The following C5orf22 variants were observed in gnomAD, a reference collection of about 807,000 sequenced individuals.
C5orf22 encodes the protein UPF0489 protein C5orf22.
In C5orf22, 36 loss-of-function variants were observed where a neutral mutation model predicts 48.7. The observed-to-expected ratio is 0.74, with a 90% confidence interval of 0.57 to 0.98. The LOEUF is 0.98. Ranked by LOEUF, C5orf22 falls within the 50% of genes least tolerant of loss-of-function variation. The probability of loss-of-function intolerance (pLI) is 0.00; values close to 1 mark genes in which losing one functional copy is unlikely to be tolerated. For synonymous variants in C5orf22, 141 were observed against 180.8 expected (o/e 0.78, Z 1.76); for missense variants, 486 against 521.9 (o/e 0.93, Z 0.67).
Position 31,536,974 on chromosome 5 carries a change from A to G in C5orf22, c.377+1081A>G, listed in dbSNP as rs192450080. Among the ~76,000 whole-genome samples, 53 of 152,370 alleles carry G rather than the reference A, an allele frequency of 3.5e-4. No homozygotes were observed. The East Asian group carries it at 8.9e-3, about 25-fold the overall frequency. On this transcript the variant is annotated intron_variant, in intron 3 of 8. Coordinates refer to ENST00000325366, the MANE Select transcript of C5orf22 (RefSeq NM_018356.3). Reference sequence around the variant, plus strand: ...TAATTTATTCTTAATGATACAATTAACTTTTGTAGTATATAATCTTGTCGT... The same window carrying G: ...TAATTTATTCTTAATGATACAATTAGCTTTTGTAGTATATAATCTTGTCGT...
chr5:31,548,465 A>G (rs1158307548), intron 7 of C5orf22: 2 of 379,220 alleles, frequency 5.3e-6, no homozygotes, highest in Admixed American at 3.0e-5. Context: ...TTGCTAAAAT[A>G]TAACAAGAGT....
At chr5:31,538,153 T>C (rs773408243) in intron 3 of C5orf22, 107 bp from the exon 4 acceptor site, 3 of 778,092 alleles carry the variant, frequency 3.9e-6, no homozygotes, top group Non-Finnish European at 6.4e-6. Flanking sequence ...TAGAGACTGC[T>C]CTCAGTTTTT....
chr5:31,534,319 C>T lies in C5orf22; in HGVS notation c.129C>T (p.Ala43=). Residue 43 remains alanine (A), a synonymous_variant, in exon 2 of 9, where the codon GCC becomes GCT. Coordinates refer to ENST00000325366, the MANE Select transcript of C5orf22 (RefSeq NM_018356.3). ...CCATAGGCTCAAAGCATCTTCCTGC[C>T]AGTAATGTAAGTTTTTTACATTTCG... ...YRAIGSKHLP[A]SNVSFLHFDS... The T allele has an allele frequency of 6.2e-7, 1 of 1,613,682 alleles. No individual in the cohort carries two copies. Among genetic ancestry groups the T allele is most frequent in the South Asian group, 1.1e-5 (1 of 91,060 alleles).
Position 31,542,903 on chromosome 5 carries a change from C to T in C5orf22, c.992+1501C>T, listed in dbSNP as rs527997312. On this transcript the variant is annotated intron_variant, in intron 6 of 8. Transcript: ENST00000325366. The stretch of plus-strand genomic sequence containing the variant: ...TCAGTTGTAAGGTAGCAAGATAAAA[C>T]GGGAAATTAGAATCAATAGTACTTT... 1.7e-3 allele frequency among the ~76,000 whole-genome samples: 260 copies of T among 152,190 alleles called. 1 individual carries two copies. Among genetic ancestry groups the T allele is most frequent in the Middle Eastern group, 6.8e-3 (2 of 294 alleles).
At chr5:31,540,771 AATT>A in intron 4 of C5orf22, 175 bp from the exon 5 acceptor site, 1 of 558,616 alleles carries the variant, frequency 1.8e-6, no homozygotes, top group East Asian at 3.1e-5. Flanking sequence ...TTTACAATAA[AATT>A]ATTACAATAA....
chr5:31,552,739 GTA>G (rs1743360644), intron 8 of C5orf22, 32 bp from the exon 9 acceptor site: 1 of 1,597,906 alleles, frequency 6.3e-7, no homozygotes, highest in Admixed American at 1.7e-5. Flanking sequence ...TATCCTATGT[GTA>G]TTTTTCTTCT....
rs1488389341 is a variant in C5orf22 at position 31,554,074 on chromosome 5, A to C, written c.*1172A>C. The C allele has an allele frequency of 6.6e-6, 1 of 152,208 alleles. No individual in the cohort carries two copies. Among genetic ancestry groups the C allele is most frequent in the Non-Finnish European group, 1.5e-5 (1 of 68,044 alleles). 9.4% of individuals were successfully genotyped at this position (152,208 alleles called of 1,614,324 possible). On this transcript the variant is annotated 3_prime_UTR_variant, in exon 9 of 9. Coordinates refer to ENST00000325366, the MANE Select transcript of C5orf22 (RefSeq NM_018356.3). ...CCTTCCTGAGTCACTCTTAATCATG[A>C]AACTTGATTTTCTCAATTGGCCAGT...
chr5:31,544,567 G>A (rs989355901), intron 6 of C5orf22, among the ~76,000 whole-genome samples: 3 of 151,496 alleles, frequency 2.0e-5, no homozygotes, highest in Non-Finnish European at 2.9e-5. Flanking sequence ...CTGGGCAACA[G>A]AGTGAGACTC....
At chr5:31,548,802 A>G (rs1743059121) in intron 7 of C5orf22, 1 of 278,112 alleles carries the variant, frequency 3.6e-6, no homozygotes, top group African/African-American at 2.3e-5. Flanking sequence ...AAAGAGATTT[A>G]ATGGACTTAG....
chr5:31,544,365 T>C (rs1021219467), intron 6 of C5orf22, among the ~76,000 whole-genome samples: 3 of 152,080 alleles, frequency 2.0e-5, no homozygotes, highest in South Asian at 2.1e-4. Context: ...GGGCGGATCA[T>C]GAGGTCAGGA....
chr5:31,536,126 C>T (rs1057108652), intron 3 of C5orf22, among the ~76,000 whole-genome samples: 11 of 152,104 alleles, frequency 7.2e-5, no homozygotes, highest in Non-Finnish European at 1.5e-4. Context: ...CATTATCCTC[C>T]GGAATTTGGG....
chr5:31,535,411 A>ATATT (rs960919322), intron 2 of C5orf22, among the ~76,000 whole-genome samples: 5 of 152,300 alleles, frequency 3.3e-5, no homozygotes, highest in South Asian at 4.1e-4. Context: ...TGACACTTTT[A>ATATT]TATTTATTTA....
chr5:31,552,263 C>T (rs906334005), intron 8 of C5orf22, among the ~76,000 whole-genome samples: 2 of 152,186 alleles, frequency 1.3e-5, no homozygotes, highest in Non-Finnish European at 2.9e-5. Flanking sequence ...ACCAGCACAT[C>T]GCCACATTTC....
intron 8 of C5orf22, among the ~76,000 whole-genome samples, chr5:31,551,845 A>G (rs888420269): frequency 2.0e-5 from 3 of 152,208 alleles, no homozygotes; most frequent in African/African-American, 4.8e-5. Context: ...GCTTTAAGCT[A>G]CTAAGTTTGT....
intron 8 of C5orf22, among the ~76,000 whole-genome samples, chr5:31,552,412 C>T (rs559406660): frequency 6.6e-6 from 1 of 152,332 alleles, no homozygotes; most frequent in East Asian, 1.9e-4. Flanking sequence ...GATGTTCCAT[C>T]GCTAAGATAA....
intron 7 of C5orf22, among the ~76,000 whole-genome samples, chr5:31,549,995 T>TG (rs369538188): frequency 1.2e-4 from 18 of 152,294 alleles, no homozygotes; most frequent in African/African-American, 4.3e-4. Context: ...TGATGTTTTT[T>TG]GGGGGGCAGG....
chr5:31,552,973 TG>T lies in C5orf22; in HGVS notation c.*72del, dbSNP rs1743380577. On this transcript the variant is annotated 3_prime_UTR_variant, in exon 9 of 9. Coordinates refer to ENST00000325366, the MANE Select transcript of C5orf22 (RefSeq NM_018356.3). ...GGCCCTTAATTAACTTATTTGTACA[TG>T]AGTCTTCCAGAGAACACTGTTTTAT... 3 of 1,387,700 alleles carry T rather than the reference TG, an allele frequency of 2.2e-6. No individual in the cohort carries two copies. The highest frequency in any genetic ancestry group is 1.9e-5 in the Admixed American group (1 of 51,988). The allele number at this position is 1,387,700 out of a possible 1,614,324, so 86.0% of individuals were successfully genotyped here. A position where few individuals can be genotyped will look rare whatever the true frequency, so the allele number is the denominator to read the frequency against.
chr5:31,548,449 G>A (rs1188406823), intron 7 of C5orf22: 2 of 350,370 alleles, frequency 5.7e-6, no homozygotes, highest in Admixed American at 6.4e-5. Flanking sequence ...AATGCCACCA[G>A]TCTCTTTGCT....
chr5:31,537,190 A>G (rs1742148228), intron 3 of C5orf22, among the ~76,000 whole-genome samples: 1 of 152,216 alleles, frequency 6.6e-6, no homozygotes. Flanking sequence ...ATTTTCAGCA[A>G]TCTGACACAG....
Sources: allele counts gnomAD v4.1 joint callset (sites outside exome capture counted in the v4.1 genomes callset), GRCh38; gene constraint gnomAD v4.1.1; transcripts MANE v1.5; gene names NCBI Gene and HGNC (gene_info 2026-07-23, HGNC 2026-07-21).